Variants in MACROD2 observed in about 807,000 individuals in gnomAD.
The protein encoded by MACROD2 is mono-ADP ribosylhydrolase 2.
MACROD2 carries 36 observed loss-of-function variants against 70.4 expected under a neutral mutation model. The observed-to-expected ratio is 0.51, with a 90% CI of 0.39 to 0.68. The LOEUF is 0.68. Among genes scored for constraint, MACROD2 ranks in the 30% least tolerant of loss-of-function variants. The probability of loss-of-function intolerance (pLI) is 0.00; values close to 1 mark genes in which losing one functional copy is unlikely to be tolerated. For missense variants in MACROD2, 496 were observed against 538.4 expected (o/e 0.92, Z 0.78); for synonymous variants, 172 against 178.8 (o/e 0.96, Z 0.30).
At chr20:14,003,455 T>C (rs1185481547) in intron 2 of MACROD2, 2 of 184,908 alleles carry the variant, frequency 1.1e-5, no homozygotes, top group Non-Finnish European at 2.3e-5. Flanking sequence ...CACGTTCTAA[T>C]GGGGTCATTG....
chr20:15,508,928 G>A (rs1182066725), intron 8 of MACROD2, among the ~76,000 whole-genome samples: 1 of 152,138 alleles, frequency 6.6e-6, no homozygotes, highest in Non-Finnish European at 1.5e-5. Flanking sequence ...GAAGCAAAAA[G>A]CAGTATATTT....
intron 8 of MACROD2, among the ~76,000 whole-genome samples, chr20:15,662,358 C>T (rs767511601): frequency 3.3e-5 from 5 of 152,168 alleles, no homozygotes; most frequent in Non-Finnish European, 7.4e-5. Flanking sequence ...ACTGTAGATC[C>T]TGAGTTTCAG....
At chr20:16,047,232 C>A (rs567896454) in intron 17 of MACROD2, among the ~76,000 whole-genome samples, 1 of 152,076 alleles carries the variant, frequency 6.6e-6, no homozygotes, top group African/African-American at 2.4e-5. Context: ...GGAACCCTTG[C>A]TCCATGAATC....
At chr20:15,077,742 T>A (rs1038810868) in intron 5 of MACROD2, among the ~76,000 whole-genome samples, 2 of 152,188 alleles carry the variant, frequency 1.3e-5, no homozygotes, top group Non-Finnish European at 2.9e-5. Context: ...GTTTCAGATA[T>A]ATAGATGCCA....
At chr20:14,857,810 G>GTTTGTTTTGTTTTGTTTTGTTTTGT (rs71190157) in intron 5 of MACROD2, among the ~76,000 whole-genome samples, 2,137 of 151,130 alleles carry the variant, frequency 0.014, 53 homozygotes, top group African/African-American at 0.048. Flanking sequence ...TGCTTTTTTT[G>GTTTGTTTTGTTTTGTTTTGTTTTGT]TTTGTTTTGT....
At chr20:14,048,720 G>C (rs573442570) in intron 2 of MACROD2, among the ~76,000 whole-genome samples, 1 of 151,670 alleles carries the variant, frequency 6.6e-6, no homozygotes, top group South Asian at 2.1e-4. Flanking sequence ...GAATTTTCTG[G>C]ACCAAAAAAA....
chr20:15,852,148 G>A (rs949082982), intron 8 of MACROD2, among the ~76,000 whole-genome samples: 4 of 152,162 alleles, frequency 2.6e-5, no homozygotes, highest in East Asian at 3.9e-4. Context: ...CAGATGTGTC[G>A]TTTGTGAAAT....
chr20:14,938,591 G>T (rs1245985756), intron 5 of MACROD2, among the ~76,000 whole-genome samples: 2 of 151,964 alleles, frequency 1.3e-5, no homozygotes, highest in African/African-American at 4.8e-5. Flanking sequence ...GACCAGCCTG[G>T]CCAATATGGT....
chr20:14,407,836 A>G (rs1265914533), intron 3 of MACROD2, among the ~76,000 whole-genome samples: 1 of 152,206 alleles, frequency 6.6e-6, no homozygotes, highest in Non-Finnish European at 1.5e-5. Flanking sequence ...TTTTAACTGT[A>G]AGAAAATACT....
intron 4 of MACROD2, among the ~76,000 whole-genome samples, chr20:14,659,587 G>GT (rs1196071964): frequency 2.0e-5 from 3 of 151,916 alleles, no homozygotes; most frequent in Non-Finnish European, 4.4e-5. Context: ...ATTCTCCCCA[G>GT]TTTTTTTTCT....
At chr20:14,604,368 T>G (rs1307199358) in intron 4 of MACROD2, among the ~76,000 whole-genome samples, 1 of 152,220 alleles carries the variant, frequency 6.6e-6, no homozygotes, top group African/African-American at 2.4e-5. Flanking sequence ...CTAATATTTA[T>G]TCACTATTGA....
intron 3 of MACROD2, among the ~76,000 whole-genome samples, chr20:14,453,257 A>G (rs191734888): frequency 1.3e-5 from 2 of 152,178 alleles, no homozygotes; most frequent in East Asian, 3.9e-4. Context: ...GTTTGGGAAT[A>G]TGGTTCCCCT....
intron 6 of MACROD2, among the ~76,000 whole-genome samples, chr20:15,328,639 C>G (rs2077958253): frequency 1.3e-5 from 2 of 152,088 alleles, no homozygotes; most frequent in African/African-American, 4.8e-5. Context: ...CTGGGGTCTC[C>G]CTGCTGGCCA....
intron 3 of MACROD2, among the ~76,000 whole-genome samples, chr20:14,211,060 C>T (rs1363800926): frequency 6.6e-6 from 1 of 152,148 alleles, no homozygotes; most frequent in Non-Finnish European, 1.5e-5. Flanking sequence ...ATCATTGGTA[C>T]ATTCATACCA....
chr20:15,153,004 C>A (rs545742742), intron 5 of MACROD2, among the ~76,000 whole-genome samples: 2 of 152,022 alleles, frequency 1.3e-5, no homozygotes, highest in African/African-American at 2.4e-5. Flanking sequence ...GGCCGCTTAC[C>A]GGATTTGAAA....
chr20:15,683,303 G>A (rs961642546), intron 8 of MACROD2, among the ~76,000 whole-genome samples: 5 of 152,104 alleles, frequency 3.3e-5, no homozygotes, highest in Non-Finnish European at 4.4e-5. Context: ...CAGCATTTAA[G>A]CTCCTTCTCT....
At chr20:14,934,445 T>C (rs1156661525) in intron 5 of MACROD2, among the ~76,000 whole-genome samples, 1 of 152,142 alleles carries the variant, frequency 6.6e-6, no homozygotes, top group East Asian at 1.9e-4. Context: ...AGACCATCAA[T>C]TGTGGTCTCA....
chr20:14,262,209 A>G (rs540599158), intron 3 of MACROD2, among the ~76,000 whole-genome samples: 254 of 152,308 alleles, frequency 1.7e-3, no homozygotes, highest in African/African-American at 5.7e-3. Context: ...TTAATCTTGC[A>G]GGTAGTGGGG....
chr20:15,128,701 G>T (rs141551258), intron 5 of MACROD2, among the ~76,000 whole-genome samples: 126 of 152,098 alleles, frequency 8.3e-4, no homozygotes, highest in African/African-American at 2.6e-3. Flanking sequence ...GTTTGAATTT[G>T]ATTCTGAACA....
Sources: gnomAD v4.1 joint callset for allele counts (sites outside exome capture counted in the v4.1 genomes callset) on GRCh38, gnomAD v4.1.1 for gene constraint, MANE v1.5 for transcripts, NCBI Gene and HGNC (gene_info 2026-07-23, HGNC 2026-07-21) for gene names.